The following RBM27 variants were observed in gnomAD, a reference collection of about 807,000 sequenced individuals.
RBM27 encodes RNA-binding protein 27.
Under a neutral mutation model 135.3 loss-of-function variants are expected in RBM27, and 22 were observed. That is an observed-to-expected ratio of 0.16 (90% CI 0.12 to 0.23). The LOEUF (loss-of-function observed/expected upper bound fraction) is 0.23. Ranked by LOEUF, RBM27 falls within the 10% of genes least tolerant of loss-of-function variation. The pLI is 1.00. For synonymous variants in RBM27, 481 were observed against 442.4 expected, an observed-to-expected ratio of 1.09 and a Z score of -1.10; for missense variants, 1,009 against 1,281.0, an observed-to-expected ratio of 0.79 and a Z score of 3.24.
intron 8 of RBM27, among the ~76,000 whole-genome samples, chr5:146,247,252 G>GTA (rs1757665066): frequency 6.6e-6 from 1 of 152,014 alleles, no homozygotes; most frequent in Non-Finnish European, 1.5e-5. Flanking sequence ...AAATATAGTA[G>GTA]CATTTCATCT....
rs1329192589 is a variant in RBM27, at chr5:146,238,054, AT to A, written c.1279+626del. On this transcript the variant is annotated intron_variant, in intron 8 of 20. Transcript: ENST00000265271. ...TTTAAAAAAATTGTTTATCTGATTGATTTTCTAAAGCATAAGATGTATCTCC... is the reference window on the plus strand; with the variant it reads ...TTTAAAAAAATTGTTTATCTGATTGATTTCTAAAGCATAAGATGTATCTCC... Among the ~76,000 whole-genome samples the A allele has an allele frequency of 2.0e-5, 3 of 152,216 alleles. No individual in the cohort carries two copies. The East Asian group carries it at 5.8e-4, about 29-fold the overall frequency.
At position 146,260,727 on chromosome 5, in the gene RBM27, T is replaced by C. The variant is rs754116316; in HGVS notation, c.1740-18T>C. The stretch of plus-strand genomic sequence containing the variant: ...TGAAGTAGGAGAATTAACCAAGATG[T>C]ATTAATCTTCCTTTTAGGCAAGGAA... On this transcript the variant is annotated intron_variant, in intron 11 of 20. Transcript: ENST00000265271. The C allele has an allele frequency of 4.4e-6, 7 of 1,587,384 alleles. No individual in the cohort carries two copies. The highest frequency in any genetic ancestry group is 6.0e-6 in the Non-Finnish European group (7 of 1,167,956).
chr5:146,276,764 A>G (rs1759108425), intron 19 of RBM27, among the ~76,000 whole-genome samples: 1 of 152,208 alleles, frequency 6.6e-6, no homozygotes. Flanking sequence ...TTGTTAAAAA[A>G]GTAATGTAGG....
At chr5:146,246,694 T>A (rs1757638626) in intron 8 of RBM27, among the ~76,000 whole-genome samples, 1 of 152,078 alleles carries the variant, frequency 6.6e-6, no homozygotes, top group Non-Finnish European at 1.5e-5. Flanking sequence ...ATCTCAAATT[T>A]AAAAGAGAAA....
At chr5:146,239,720 G>A (rs1472740251) in intron 8 of RBM27, among the ~76,000 whole-genome samples, 1 of 150,600 alleles carries the variant, frequency 6.6e-6, no homozygotes, top group Non-Finnish European at 1.5e-5. Flanking sequence ...AAGTGATCTG[G>A]CTGCTTTGGC....
intron 7 of RBM27, among the ~76,000 whole-genome samples, chr5:146,237,056 A>G (rs541435389): frequency 6.8e-6 from 1 of 147,022 alleles, no homozygotes; most frequent in Non-Finnish European, 1.5e-5. Context: ...CTCCTGCCTC[A>G]GCCTCCTGAG....
chr5:146,271,432 A>G, intron 18 of RBM27, 51 bp from the exon 19 acceptor site: 1 of 1,409,600 alleles, frequency 7.1e-7, no homozygotes, highest in Non-Finnish European at 9.7e-7. Flanking sequence ...CTTTGTTTTT[A>G]AGGTTTAGTC....
Position 146,203,820 on chromosome 5 carries a change from C to T in RBM27, c.55C>T (p.Pro19Ser). ...LKSWLAKLLE[P>S]ICDADPSALA... ...GTCCTGGCTGGCCAAGTTACTGGAG[C>T]CGATGTGAGTGAGCCGGGCTGGGCC... is the stretch of plus-strand genomic sequence containing the variant. The change falls in exon 1 of 21, where the codon CCG becomes TCG. Residue 19 changes from proline (P) to serine (S), a missense_variant. By Grantham distance (74) the Pro-to-Ser change is moderately conservative (BLOSUM62 -1). Coordinates refer to ENST00000265271, the MANE Select transcript of RBM27 (RefSeq NM_018989.2). 1 of 1,549,486 alleles carries T rather than the reference C, an allele frequency of 6.5e-7. No homozygotes were observed. Among genetic ancestry groups the T allele is most frequent in the Non-Finnish European group, 8.7e-7 (1 of 1,146,240 alleles).
At chr5:146,245,641 T>C (rs1050632501) in intron 8 of RBM27, among the ~76,000 whole-genome samples, 1 of 152,220 alleles carries the variant, frequency 6.6e-6, no homozygotes, top group African/African-American at 2.4e-5. Context: ...GTTTGATGGC[T>C]AGAAAAGTAA....
chr5:146,235,913 A>C (rs915652513), intron 7 of RBM27, among the ~76,000 whole-genome samples: 9 of 151,246 alleles, frequency 6.0e-5, no homozygotes, highest in Admixed American at 5.3e-4. Flanking sequence ...CTGGTCTTGA[A>C]CTCCTGGGCT....
intron 1 of RBM27, among the ~76,000 whole-genome samples, chr5:146,213,339 TGA>T (rs1756051061): frequency 6.6e-6 from 1 of 152,148 alleles, no homozygotes; most frequent in African/African-American, 2.4e-5. Flanking sequence ...TGACCTCAGG[TGA>T]TCCACCCTTG....
chr5:146,249,326 A>G (rs544817499), intron 8 of RBM27, among the ~76,000 whole-genome samples: 29 of 151,956 alleles, frequency 1.9e-4, no homozygotes, highest in African/African-American at 7.0e-4. Flanking sequence ...CTGATAGGTC[A>G]CTCTTCACAA....
intron 19 of RBM27, 56 bp downstream of exon 19, chr5:146,271,730 C>G: frequency 6.8e-7 from 1 of 1,470,446 alleles, no homozygotes; most frequent in Non-Finnish European, 9.4e-7. Context: ...CATCATTTTC[C>G]TTGCTGCAGT....
chr5:146,244,821 C>A (rs1415933622), intron 8 of RBM27, among the ~76,000 whole-genome samples: 2 of 152,194 alleles, frequency 1.3e-5, no homozygotes, highest in East Asian at 3.8e-4. Flanking sequence ...GGATTACAGG[C>A]ATGAGCCACC....
chr5:146,253,191 T>C (rs1757967487), intron 9 of RBM27, among the ~76,000 whole-genome samples: 1 of 151,904 alleles, frequency 6.6e-6, no homozygotes, highest in African/African-American at 2.4e-5. Context: ...AGAGACGGGG[T>C]TTTGCCATGT....
chr5:146,246,656 T>TTA (rs1757636041), intron 8 of RBM27, among the ~76,000 whole-genome samples: 1 of 152,170 alleles, frequency 6.6e-6, no homozygotes, highest in Admixed American at 6.6e-5. Flanking sequence ...GCCACTGTAC[T>TTA]TTAGCCTGGA....
Position 146,212,209 on chromosome 5 carries a change from C to T in RBM27, c.60-6776C>T, listed in dbSNP as rs564172179. Among the ~76,000 whole-genome samples the T allele has an allele frequency of 4.0e-4, 61 of 152,250 alleles. 1 individual carries two copies. The highest frequency in any genetic ancestry group is 1.4e-3 in the African/African-American group (59 of 41,544). ...TAACTGGGATTACAGGCACGCGCCA[C>T]CACGCCTGGCTAATTTTTGTATTCT... On this transcript the variant is annotated intron_variant, in intron 1 of 20. Coordinates refer to ENST00000265271, the MANE Select transcript of RBM27 (RefSeq NM_018989.2).
Position 146,233,565 on chromosome 5 carries a change from G to A in RBM27, c.966G>A (p.Gly322=). The part of the protein sequence containing the change: ...SMIPFPPPPP[G]LPPPPPPGML... The stretch of plus-strand genomic sequence containing the variant: ...TTCCTTTCCCACCCCCTCCTCCTGG[G>A]CTTCCTCCTCCACCACCTCCTGGAA... Residue 322 remains glycine (G), a synonymous_variant, in exon 7 of 21, where the codon GGG becomes GGA. Transcript: ENST00000265271. 3.1e-6 allele frequency: 5 copies of A among 1,612,876 alleles called. No individual in the cohort carries two copies. Among genetic ancestry groups the A allele is most frequent in the Non-Finnish European group, 3.4e-6 (4 of 1,179,594 alleles).
chr5:146,264,617 T>G (rs1023707655), intron 14 of RBM27, among the ~76,000 whole-genome samples: 4 of 145,610 alleles, frequency 2.7e-5, no homozygotes, highest in African/African-American at 1.0e-4. Flanking sequence ...ATATCTATAC[T>G]ATAACTCTTG....
Sources: gnomAD v4.1 joint callset for allele counts (sites outside exome capture counted in the v4.1 genomes callset) on GRCh38, gnomAD v4.1.1 for gene constraint, MANE v1.5 for transcripts, NCBI Gene and HGNC (gene_info 2026-07-23, HGNC 2026-07-21) for gene names.